The following UBE4A variants were observed in gnomAD, a reference collection of about 807,000 sequenced individuals.
UBE4A encodes the protein ubiquitination factor E4A.
UBE4A carries 48 observed loss-of-function variants against 117.9 expected under a neutral mutation model. The ratio of observed to expected loss-of-function variants is 0.41; its 90% CI spans 0.32 to 0.52. The LOEUF (loss-of-function observed/expected upper bound fraction) is 0.52. UBE4A is among the 20% of genes least tolerant of loss of function. The probability of loss-of-function intolerance (pLI) is 0.33; values close to 1 mark genes in which losing one functional copy is unlikely to be tolerated. For synonymous variants in UBE4A, 407 were observed against 450.0 expected, an observed-to-expected ratio of 0.90 and a Z score of 1.21; for missense variants, 1,067 against 1,296.3, an observed-to-expected ratio of 0.82 and a Z score of 2.72.
Position 118,389,857 on chromosome 11 carries a change from A to T in UBE4A, c.2720A>T (p.Lys907Ile). ...KVKDFSEFDF[K>I]PQQLVSDICT... is the part of the protein sequence containing the mutation. ...AAGGACTTCAGCGAATTTGACTTCA[A>T]ACCCCAGCAGCTTGTATCAGATATC... Residue 907 changes from lysine to isoleucine, a missense_variant, in exon 17 of 20, where the codon AAA (lysine) becomes ATA (isoleucine). Around this residue, in one of 3 missense-constraint regions of UBE4A, gnomAD observed 1,001 missense variants for 1,184.0 expected, o/e 0.85. Transcript: ENST00000252108. 6.2e-7 allele frequency: 1 copy of T among 1,613,550 alleles called. No individual in the cohort carries two copies. Among genetic ancestry groups the T allele is most frequent in the Non-Finnish European group, 8.5e-7 (1 of 1,179,538 alleles).
chr11:118,382,462 C>T, intron 12 of UBE4A, 127 bp from the exon 13 acceptor site: 1 of 462,904 alleles, frequency 2.2e-6, no homozygotes, highest in East Asian at 9.0e-5. Flanking sequence ...CTTAAAACTG[C>T]AGAAGTGGAT....
intron 2 of UBE4A, among the ~76,000 whole-genome samples, chr11:118,367,723 C>T (rs922863695): frequency 6.6e-6 from 1 of 152,010 alleles, no homozygotes; most frequent in Non-Finnish European, 1.5e-5. Flanking sequence ...TGGTCTCAAT[C>T]TCCTGACCTC....
At chr11:118,381,608 AATC>A in intron 12 of UBE4A, 85 bp downstream of exon 12, 1 of 1,537,416 alleles carries the variant, frequency 6.5e-7, no homozygotes, top group East Asian at 2.3e-5. Flanking sequence ...AACAAGCCTG[AATC>A]ATAAGGGGTT....
intron 8 of UBE4A, among the ~76,000 whole-genome samples, 170 bp downstream of exon 8, chr11:118,373,855 C>T (rs533265510): frequency 1.2e-4 from 18 of 152,220 alleles, no homozygotes; most frequent in African/African-American, 4.3e-4. Context: ...GCCTGTAATC[C>T]CGGCACTTTG....
chr11:118,371,378 C>T, intron 4 of UBE4A, 136 bp from the exon 5 acceptor site: 1 of 1,056,336 alleles, frequency 9.5e-7, no homozygotes, highest in Non-Finnish European at 1.3e-6. Context: ...ATATACAGGG[C>T]CCTTTTTTTC....
At chr11:118,383,588 C>CA (rs11375309) in intron 13 of UBE4A, among the ~76,000 whole-genome samples, 11,134 of 52,470 alleles carry the variant, frequency 0.21, 885 homozygotes, top group East Asian at 0.5. Context: ...AAATCCCTCT[C>CA]AAAAAAAAAA....
Position 118,376,608 on chromosome 11 carries a change from G to T in UBE4A, c.1485G>T (p.Val495=). Reference sequence around the variant, plus strand: ...AAGAAACCTGTTTGATCCCAGCTGTGCAGGAGCCGAAGTTTCCACAGAACT... The same window carrying T: ...AAGAAACCTGTTTGATCCCAGCTGTTCAGGAGCCGAAGTTTCCACAGAACT... ...LDKETCLIPA[V]QEPKFPQNYN... Residue 495 remains valine, a synonymous_variant, in exon 10 of 20, where the codon GTG becomes GTT. Coordinates refer to ENST00000252108, the MANE Select transcript of UBE4A (RefSeq NM_001204077.2). 1 of 1,613,756 alleles carries T rather than the reference G, an allele frequency of 6.2e-7. No homozygotes were observed. The highest frequency in any genetic ancestry group is 8.5e-7 in the Non-Finnish European group (1 of 1,179,950).
intron 19 of UBE4A, among the ~76,000 whole-genome samples, chr11:118,393,298 T>A (rs1303596660): frequency 6.6e-6 from 1 of 152,030 alleles, no homozygotes; most frequent in Non-Finnish European, 1.5e-5. Context: ...GCACATGTAG[T>A]CTGAGCTACT....
chr11:118,369,376 A>G, intron 3 of UBE4A, 47 bp from the exon 4 acceptor site: 1 of 1,421,854 alleles, frequency 7.0e-7, no homozygotes, highest in Non-Finnish European at 9.9e-7. Context: ...TGTCTGTATA[A>G]AACAGAAGCA....
chr11:118,374,132 C>T (rs1948631654), intron 8 of UBE4A, among the ~76,000 whole-genome samples: 1 of 152,006 alleles, frequency 6.6e-6, no homozygotes, highest in Non-Finnish European at 1.5e-5. Context: ...AAAATCCCCT[C>T]TTTGTAGCAT....
At chr11:118,375,358 A>ATT in intron 9 of UBE4A, 129 bp downstream of exon 9, 1 of 970,750 alleles carries the variant, frequency 1.0e-6, no homozygotes, top group Non-Finnish European at 1.4e-6. Context: ...AGCTATTTCG[A>ATT]TTTTTTTTTC....
chr11:118,363,481 C>T (rs1201798103), intron 1 of UBE4A, among the ~76,000 whole-genome samples: 3 of 152,072 alleles, frequency 2.0e-5, no homozygotes, highest in African/African-American at 7.2e-5. Flanking sequence ...TAGCCGTTAG[C>T]TCTTGTGTGG....
chr11:118,371,808 T>C (rs1948612441), intron 5 of UBE4A, 142 bp downstream of exon 5: 2 of 782,734 alleles, frequency 2.6e-6, no homozygotes, highest in Non-Finnish European at 3.8e-6. Context: ...ACTAAAGCTT[T>C]TATATCAATT....
chr11:118,386,598 C>G lies in UBE4A; in HGVS notation c.2573C>G (p.Ala858Gly). Residue 858 changes from alanine (A) to glycine (G), a missense_variant, in exon 16 of 20, where the codon GCC (alanine) becomes GGC (glycine). Ala to Gly is a moderately conservative substitution (Grantham distance 60). Transcript: ENST00000252108. ...TCCAATGAAACAATCGGTACCCTTG[C>G]CTTTCTCACATCAGGTAAGGACATG... is the stretch of plus-strand genomic sequence containing the variant. ...IMSNETIGTL[A>G]FLTSEIKSLF... 1 of 1,574,056 alleles carries G rather than the reference C, an allele frequency of 6.4e-7. No homozygotes were observed. The highest frequency in any genetic ancestry group is 8.6e-7 in the Non-Finnish European group (1 of 1,164,900).
At chr11:118,373,774 C>A in intron 8 of UBE4A, 89 bp downstream of exon 8, 1 of 1,411,978 alleles carries the variant, frequency 7.1e-7, no homozygotes, top group South Asian at 1.6e-5. Context: ...TCAAGCCTCT[C>A]TGGGAAAGCA....
chr11:118,362,559 A>T lies in UBE4A; in HGVS notation c.-41-2481A>T, dbSNP rs927871673. On this transcript the variant is annotated intron_variant, in intron 1 of 19. Transcript: ENST00000252108. ...ACTTTTCAGTTGTGTTTTAAAAAACATCAAACTGGTTTAGGCATTTAGGGA... is the reference window on the plus strand; with the variant it reads ...ACTTTTCAGTTGTGTTTTAAAAAACTTCAAACTGGTTTAGGCATTTAGGGA... 2.0e-5 allele frequency among the ~76,000 whole-genome samples: 3 copies of T among 152,348 alleles called. No homozygotes were observed. The East Asian group carries it at 5.8e-4, about 29-fold the overall frequency.
At chr11:118,375,399 A>T (rs1948643665) in intron 9 of UBE4A, among the ~76,000 whole-genome samples, 170 bp downstream of exon 9, 1 of 151,764 alleles carries the variant, frequency 6.6e-6, no homozygotes, top group Non-Finnish European at 1.5e-5. Flanking sequence ...TTACTCTGTC[A>T]CTCAGGCTGT....
chr11:118,382,029 A>T (rs1471407450), intron 12 of UBE4A, among the ~76,000 whole-genome samples: 3 of 152,176 alleles, frequency 2.0e-5, no homozygotes, highest in Non-Finnish European at 4.4e-5. Context: ...AAGGAAGTGG[A>T]AACTCTGTGT....
At chr11:118,390,957 A>C (rs1321171171) in intron 18 of UBE4A, among the ~76,000 whole-genome samples, 153 bp downstream of exon 18, 2 of 152,106 alleles carry the variant, frequency 1.3e-5, no homozygotes, top group Non-Finnish European at 2.9e-5. Flanking sequence ...TGCTATGATC[A>C]TGCCTGTGGA....
Sources: allele counts gnomAD v4.1 joint callset (sites outside exome capture counted in the v4.1 genomes callset), GRCh38; gene constraint gnomAD v4.1.1; regional missense constraint gnomAD v4.1.1; transcripts MANE v1.5; gene names NCBI Gene and HGNC (gene_info 2026-07-23, HGNC 2026-07-21).